CAST: variants seen among roughly 807,000 people sequenced by gnomAD.
CAST encodes calpastatin, also known as MIR583 host.
In CAST, 76 loss-of-function variants were observed where a neutral mutation model predicts 119.6. The ratio of observed to expected loss-of-function variants is 0.64; its 90% CI spans 0.53 to 0.77. CAST has a LOEUF of 0.77. Among genes scored for constraint, CAST ranks in the 30% least tolerant of loss-of-function variants. CAST has a pLI of 0.00. For missense variants in CAST, 953 were observed against 946.5 expected (o/e 1.01, Z -0.09); for synonymous variants, 319 against 331.6 (o/e 0.96, Z 0.41).
chr5:95,965,957 C>T, the CAST span, among the ~76,000 whole-genome samples: 1 of 151,946 alleles, frequency 6.6e-6, no homozygotes, highest in African/African-American at 2.4e-5. Context: ...ATCATTATTG[C>T]TAAATTTGGC....
intron 3 of CAST, among the ~76,000 whole-genome samples, chr5:96,709,309 C>T (rs1164659150): frequency 6.6e-6 from 1 of 152,198 alleles, no homozygotes; most frequent in East Asian, 1.9e-4. Context: ...GGGCCTGTAG[C>T]CAGGATTCCT....
the CAST span, among the ~76,000 whole-genome samples, chr5:96,055,175 C>T: frequency 2.0e-5 from 3 of 152,066 alleles, no homozygotes; most frequent in South Asian, 2.1e-4. Flanking sequence ...CAGGTCCTCC[C>T]ACCTGGACAT....
At chr5:96,348,384 G>A in the CAST span, among the ~76,000 whole-genome samples, 3 of 151,284 alleles carry the variant, frequency 2.0e-5, no homozygotes, top group African/African-American at 4.9e-5. Context: ...GAGAGAGGGA[G>A]AGGGAGAGAG....
the CAST span, among the ~76,000 whole-genome samples, chr5:96,476,518 C>G: frequency 2.6e-5 from 4 of 152,266 alleles, no homozygotes; most frequent in East Asian, 7.7e-4. Flanking sequence ...AAAGCTGGAA[C>G]AGAACAACAT....
the CAST span, among the ~76,000 whole-genome samples, chr5:96,436,476 C>T: frequency 6.6e-6 from 1 of 152,094 alleles, no homozygotes; most frequent in African/African-American, 2.4e-5. Flanking sequence ...AAGTTTTATG[C>T]TTAAAAAGGC....
chr5:96,752,035 T>A (rs952194580), intron 20 of CAST, among the ~76,000 whole-genome samples: 1 of 152,034 alleles, frequency 6.6e-6, no homozygotes, highest in Non-Finnish European at 1.5e-5. Context: ...TAGAGTGTAA[T>A]AAAGGTCAGA....
In CAST at chr5:96,695,916, T is replaced by C. The variant is rs1315130508; in HGVS notation, c.210+9T>C. 6.2e-7 allele frequency: 1 copy of C among 1,605,508 alleles called. No homozygotes were observed. ...CAGCCTCGGCCACCAAGGTCAGTGA[T>C]TTCCTGAACACGAAAAGACCCCTAC... is the stretch of plus-strand genomic sequence containing the variant. On this transcript the variant is annotated intron_variant, in intron 3 of 31. Transcript: ENST00000675179.
chr5:96,757,729 C>T lies in CAST; in HGVS notation c.1833+75C>T, dbSNP rs1766646592. The T allele has an allele frequency of 3.0e-6, 3 of 1,006,398 alleles. No homozygotes were observed. In the South Asian group the frequency reaches 4.4e-5, roughly 15 times the overall value. 62.3% of individuals were successfully genotyped at this position (1,006,398 alleles called of 1,614,324 possible). On this transcript the variant is annotated intron_variant, in intron 24 of 31. Coordinates refer to ENST00000675179, the MANE Select transcript of CAST (RefSeq NM_001750.7). Reference sequence around the variant, plus strand: ...CCTTTGAGATGGAGTCTTGCTCTGTCATCCAGGCGGGAGTACAGTGGTGCC... The same window carrying T: ...CCTTTGAGATGGAGTCTTGCTCTGTTATCCAGGCGGGAGTACAGTGGTGCC...
the CAST span, among the ~76,000 whole-genome samples, chr5:95,993,229 T>C: frequency 6.6e-6 from 1 of 152,106 alleles, no homozygotes; most frequent in East Asian, 1.9e-4. Flanking sequence ...ATGGAAAAAA[T>C]AAACCTTGAT....
the CAST span, among the ~76,000 whole-genome samples, chr5:96,043,938 C>CA: frequency 1.3e-5 from 2 of 151,962 alleles, no homozygotes; most frequent in Non-Finnish European, 2.9e-5. Context: ...AAGCACCTTT[C>CA]AAAAAAATTC....
the CAST span, among the ~76,000 whole-genome samples, chr5:96,369,147 A>C: frequency 6.6e-6 from 1 of 151,218 alleles, no homozygotes. Flanking sequence ...TATATTTTAT[A>C]TATTTTTTCT....
chr5:96,311,096 G>T, the CAST span, among the ~76,000 whole-genome samples: 1 of 151,776 alleles, frequency 6.6e-6, no homozygotes, highest in Non-Finnish European at 1.5e-5. Context: ...AACTGCTTTT[G>T]CTGCATCCCA....
chr5:96,693,061 G>A (rs1196040767), intron 2 of CAST, among the ~76,000 whole-genome samples: 2 of 152,184 alleles, frequency 1.3e-5, no homozygotes, highest in African/African-American at 4.8e-5. Flanking sequence ...CTTTTGCATT[G>A]TATTTTCAGT....
At chr5:96,329,490 T>G in the CAST span, among the ~76,000 whole-genome samples, 1 of 152,100 alleles carries the variant, frequency 6.6e-6, no homozygotes, top group Non-Finnish European at 1.5e-5. Flanking sequence ...CTGTAAATTT[T>G]ACAGGGATCC....
At chr5:96,038,079 G>C in the CAST span, among the ~76,000 whole-genome samples, 1 of 152,114 alleles carries the variant, frequency 6.6e-6, no homozygotes, top group Non-Finnish European at 1.5e-5. Context: ...CTATGACCTA[G>C]CTTTGAAGGT....
chr5:96,523,906 A>C (rs1056567883), upstream of CAST, among the ~76,000 whole-genome samples: 3 of 152,206 alleles, frequency 2.0e-5, no homozygotes, highest in Admixed American at 6.5e-5. Context: ...TGAATGCCAC[A>C]ATTAGCTGCA....
chr5:96,296,423 A>G, the CAST span, among the ~76,000 whole-genome samples: 1 of 152,164 alleles, frequency 6.6e-6, no homozygotes, highest in African/African-American at 2.4e-5. Flanking sequence ...TTCTAATGTA[A>G]ATCTTCAGCT....
At chr5:96,006,329 C>T in the CAST span, among the ~76,000 whole-genome samples, 38 of 151,106 alleles carry the variant, frequency 2.5e-4, no homozygotes, top group African/African-American at 8.3e-4. Context: ...TTGGGCCACA[C>T]GATATACACT....
the CAST span, among the ~76,000 whole-genome samples, chr5:96,328,372 CTTCTCTCTCCCTCT>C: frequency 3.1e-4 from 3 of 9,786 alleles, no homozygotes; most frequent in Non-Finnish European, 4.0e-4. Context: ...TCTGTCTTTC[CTTCTCTCTCCCTCT>C]CTCTCTCTCT....
Sources: gnomAD v4.1 joint callset for allele counts (sites outside exome capture counted in the v4.1 genomes callset) on GRCh38, gnomAD v4.1.1 for gene constraint, MANE v1.5 for transcripts, NCBI Gene and HGNC (gene_info 2026-07-23, HGNC 2026-07-21) for gene names.